Variants in SEPTIN9 observed in about 807,000 individuals in gnomAD.
The protein encoded by SEPTIN9 is septin-9.
A neutral mutation model predicts 56.6 loss-of-function variants in SEPTIN9; 13 were observed. That is an observed-to-expected ratio of 0.23 (90% CI 0.15 to 0.37). The LOEUF (loss-of-function observed/expected upper bound fraction) is 0.37, where lower values mean the gene tolerates loss of function less well. Ranked by LOEUF, SEPTIN9 falls within the 10% of genes least tolerant of loss-of-function variation. SEPTIN9 has a pLI of 1.00. For synonymous variants in SEPTIN9, 332 were observed against 334.1 expected, an observed-to-expected ratio of 0.99 and a Z score of 0.07; for missense variants, 650 against 823.1, an observed-to-expected ratio of 0.79 and a Z score of 2.57.
Position 77,429,799 on chromosome 17 carries a change from G to T in SEPTIN9, c.721+27096G>T, listed in dbSNP as rs1480487299. ...GAGCTGAGACTCGGGACCACAGAGGGGTGGGCTGTGCTCAGGGCAACACAG... is the reference window on the plus strand; with the variant it reads ...GAGCTGAGACTCGGGACCACAGAGGTGTGGGCTGTGCTCAGGGCAACACAG... On this transcript the variant is annotated intron_variant, in intron 3 of 11. Coordinates refer to ENST00000427177, the MANE Select transcript of SEPTIN9 (RefSeq NM_001113491.2). This position sits in a 1 kb window ranked among gnomAD's most constrained non-coding sequence, Gnocchi z 5.2. 1.3e-5 allele frequency among the ~76,000 whole-genome samples: 2 copies of T among 152,172 alleles called. No homozygotes were observed. The highest frequency in any genetic ancestry group is 4.8e-5 in the African/African-American group (2 of 41,432).
chr17:77,338,935 C>T (rs564422042), intron 2 of SEPTIN9, among the ~76,000 whole-genome samples: 16 of 152,356 alleles, frequency 1.1e-4, no homozygotes, highest in Middle Eastern at 3.4e-3. Context: ...ACAGCATCTT[C>T]GCCTGGAGTA....
At chr17:77,373,438 C>T (rs1255093696) in intron 2 of SEPTIN9, 4 of 1,469,982 alleles carry the variant, frequency 2.7e-6, no homozygotes, top group Non-Finnish European at 3.6e-6. Flanking sequence ...AGGGCCCGGG[C>T]CCCGCCGGGG....
At chr17:77,412,770 G>A (rs369050482) in intron 3 of SEPTIN9, among the ~76,000 whole-genome samples, 16 of 151,992 alleles carry the variant, frequency 1.1e-4, no homozygotes, top group African/African-American at 2.9e-4. Context: ...CAGCAGGTAC[G>A]AGTATCTTGT....
At chr17:77,378,551 C>G (rs891067028) in intron 2 of SEPTIN9, among the ~76,000 whole-genome samples, 2 of 152,246 alleles carry the variant, frequency 1.3e-5, no homozygotes, top group South Asian at 4.1e-4. Flanking sequence ...GGTTTGGATG[C>G]TTAAATATGC....
chr17:77,357,554 C>T (rs1404763620), intron 2 of SEPTIN9, among the ~76,000 whole-genome samples: 1 of 152,118 alleles, frequency 6.6e-6, no homozygotes, highest in Non-Finnish European at 1.5e-5. Flanking sequence ...AAAGTAATTT[C>T]AGGTCATCCT....
chr17:77,372,155 G>T (rs975746982), intron 2 of SEPTIN9, among the ~76,000 whole-genome samples: 1 of 152,226 alleles, frequency 6.6e-6, no homozygotes, highest in African/African-American at 2.4e-5. Context: ...TCCATGCTGT[G>T]AATTCTCACA....
At chr17:77,282,632 A>G (rs1229868768) in intron 1 of SEPTIN9, among the ~76,000 whole-genome samples, 3 of 151,858 alleles carry the variant, frequency 2.0e-5, no homozygotes, top group Non-Finnish European at 4.4e-5. Context: ...AAAGAGGATT[A>G]CTCAGAACTT....
At chr17:77,294,292 C>T (rs547013981) in intron 1 of SEPTIN9, among the ~76,000 whole-genome samples, 50 of 151,898 alleles carry the variant, frequency 3.3e-4, no homozygotes, top group African/African-American at 1.1e-3. Context: ...TGATGACGCA[C>T]GCCTGTAATC....
chr17:77,396,139 T>C (rs2035705570), intron 2 of SEPTIN9, among the ~76,000 whole-genome samples: 1 of 152,038 alleles, frequency 6.6e-6, no homozygotes, highest in Non-Finnish European at 1.5e-5. Context: ...TCCTGCTCTA[T>C]GGGTGGGGGG....
At chr17:77,296,691 A>G (rs1022733182) in intron 1 of SEPTIN9, among the ~76,000 whole-genome samples, 7 of 152,154 alleles carry the variant, frequency 4.6e-5, no homozygotes, top group African/African-American at 1.4e-4. Context: ...CATCTCTACT[A>G]AAAATAGAAA....
intron 3 of SEPTIN9, among the ~76,000 whole-genome samples, chr17:77,480,241 G>A (rs1273985600): frequency 4.6e-5 from 7 of 152,232 alleles, no homozygotes; most frequent in Non-Finnish European, 7.3e-5. Context: ...TGTGCCCTGT[G>A]GAGGCTGAGA....
rs369487707 is a variant in SEPTIN9, at chr17:77,353,444, G to A, written c.76+46247G>A. Among the ~76,000 whole-genome samples, 91 of 152,218 alleles carry A rather than the reference G, an allele frequency of 6.0e-4. 2 individuals are homozygous for A. The South Asian group carries it at 0.012, about 21-fold the overall frequency. On this transcript the variant is annotated intron_variant, in intron 2 of 11. Transcript: ENST00000427177. ...TTTCTCACAATGTTCACTTGAGGAC[G>A]GTGGAACAGGCTATTTCACAAGGTA...
rs567339217 is a variant in SEPTIN9, at chr17:77,394,840, G to A, written c.77-7219G>A. Among the ~76,000 whole-genome samples, 6 of 152,332 alleles carry A rather than the reference G, an allele frequency of 3.9e-5. No homozygotes were observed. The South Asian group carries it at 1.0e-3, about 26-fold the overall frequency. On this transcript the variant is annotated intron_variant, in intron 2 of 11. Transcript: ENST00000427177. ...CTCTAAATAGGCCCAGGTCCAGGCT[G>A]CTCCTGTTTCGACCCCGCCATGGGC... is the stretch of plus-strand genomic sequence containing the variant.
intron 2 of SEPTIN9, among the ~76,000 whole-genome samples, chr17:77,348,481 G>A (rs1277860537): frequency 6.6e-6 from 1 of 151,868 alleles, no homozygotes; most frequent in Admixed American, 6.6e-5. Flanking sequence ...TGTATTTTTA[G>A]TAAAGACGGG....
At chr17:77,493,921 T>C (rs2040147319) in intron 10 of SEPTIN9, among the ~76,000 whole-genome samples, 1 of 152,146 alleles carries the variant, frequency 6.6e-6, no homozygotes, top group South Asian at 2.1e-4. Flanking sequence ...TACAGTCACG[T>C]ACCACCCACC....
At chr17:77,298,533 C>T (rs2031910879) in intron 1 of SEPTIN9, among the ~76,000 whole-genome samples, 1 of 152,214 alleles carries the variant, frequency 6.6e-6, no homozygotes, top group African/African-American at 2.4e-5. Context: ...TGCGGCTCAG[C>T]CTTGTTTATG....
At chr17:77,459,833 G>A (rs1471634980) in intron 3 of SEPTIN9, among the ~76,000 whole-genome samples, 1 of 152,048 alleles carries the variant, frequency 6.6e-6, no homozygotes, top group South Asian at 2.1e-4. Context: ...ATGCCACCGC[G>A]CCCGGCTAAT....
rs189002907 is a variant in SEPTIN9 at position 77,324,430 on chromosome 17, G to A, written c.76+17233G>A. ...GGGTGGCCTTTGGCCTTTTCCACTC[G>A]TTTCTGTGCTCCTGGTGAGGTGTCG... On this transcript the variant is annotated intron_variant, in intron 2 of 11. Transcript: ENST00000427177. Among the ~76,000 whole-genome samples the A allele has an allele frequency of 2.2e-3, 333 of 152,176 alleles. 2 individuals are homozygous for A. Among genetic ancestry groups the A allele is most frequent in the African/African-American group, 7.7e-3 (320 of 41,504 alleles).
chr17:77,343,526 G>T (rs919587396), intron 2 of SEPTIN9, among the ~76,000 whole-genome samples: 1 of 152,128 alleles, frequency 6.6e-6, no homozygotes, highest in Non-Finnish European at 1.5e-5. Context: ...TGATTTCCTG[G>T]GTTCTGTGAG....
Sources: gnomAD v4.1 joint callset for allele counts (sites outside exome capture counted in the v4.1 genomes callset) on GRCh38, gnomAD v4.1.1 for gene constraint, Gnocchi (gnomAD v3.1) non-coding constraint, MANE v1.5 for transcripts, NCBI Gene and HGNC (gene_info 2026-07-23, HGNC 2026-07-21) for gene names.